Variants in SEC61A2 observed in about 807,000 individuals in gnomAD.
SEC61A2 encodes protein transport protein Sec61 subunit alpha isoform 2.
A neutral mutation model predicts 59.9 loss-of-function variants in SEC61A2; 28 were observed. The ratio of observed to expected loss-of-function variants is 0.47; its 90% CI spans 0.35 to 0.64. The LOEUF (loss-of-function observed/expected upper bound fraction) is 0.64, where lower values mean the gene tolerates loss of function less well. Ranked by LOEUF, SEC61A2 falls within the 30% of genes least tolerant of loss-of-function variation. The pLI, the probability that SEC61A2 is intolerant of heterozygous loss-of-function variation, is 0.01. For missense variants in SEC61A2, 340 were observed against 585.9 expected (o/e 0.58, Z 4.33); for synonymous variants, 202 against 214.4 (o/e 0.94, Z 0.50).
At chr10:12,132,376 G>T (rs1833772527) in intron 1 of SEC61A2, among the ~76,000 whole-genome samples, 1 of 152,094 alleles carries the variant, frequency 6.6e-6, no homozygotes, top group South Asian at 2.1e-4. Context: ...CACTTTGGAA[G>T]GCTGAGATGG....
chr10:12,136,270 G>C (rs1833881493), intron 3 of SEC61A2, 100 bp downstream of exon 3: 2 of 743,322 alleles, frequency 2.7e-6, no homozygotes, highest in Admixed American at 4.3e-5. Context: ...AGAATACATT[G>C]AGCTCAATAT....
chr10:12,164,868 CATTTAT>C lies in SEC61A2; in HGVS notation c.*417_*422del. The stretch of plus-strand genomic sequence containing the variant: ...TGAGCTTATTTAATGAGTTCTGGAA[CATTTAT>C]ATCTAATCTATATTTTAGATAATTA... On this transcript the variant is annotated 3_prime_UTR_variant, in exon 12 of 12. Transcript: ENST00000298428. This position sits in a 1 kb window ranked among gnomAD's most constrained non-coding sequence, Gnocchi z 7.3. 1 of 982,886 alleles carries C rather than the reference CATTTAT, an allele frequency of 1.0e-6. No individual in the cohort carries two copies. The highest frequency in any genetic ancestry group is 1.2e-6 in the Non-Finnish European group (1 of 826,154). 60.9% of individuals were successfully genotyped at this position (982,886 alleles called of 1,614,324 possible).
Position 12,155,551 on chromosome 10 carries a change from A to C in SEC61A2, c.463-227A>C. The C allele has an allele frequency of 1.5e-6, 1 of 685,188 alleles. No individual in the cohort carries two copies. The highest frequency in any genetic ancestry group is 2.0e-5 in the South Asian group (1 of 50,934). The allele number at this position is 685,188 out of a possible 1,614,324, so 42.4% of individuals were successfully genotyped here. A position where few individuals can be genotyped will look rare whatever the true frequency, so the allele number is the denominator to read the frequency against. On this transcript the variant is annotated intron_variant, in intron 6 of 11. Transcript: ENST00000298428. The surrounding 1 kb of genome is among the most constrained non-coding windows in gnomAD (Gnocchi z 4.3). Reference sequence around the variant, plus strand: ...AAGTGTAAATAGACTTTAAAAGTTGAAATGTCTGCTTTATAATACAACAGT... The same window carrying C: ...AAGTGTAAATAGACTTTAAAAGTTGCAATGTCTGCTTTATAATACAACAGT...
Position 12,160,048 on chromosome 10 carries a change from C to G in SEC61A2, c.976-882C>G, listed in dbSNP as rs1834493127. 6.6e-6 allele frequency among the ~76,000 whole-genome samples: 1 copy of G among 152,024 alleles called. No individual in the cohort carries two copies. Among genetic ancestry groups the G allele is most frequent in the African/African-American group, 2.4e-5 (1 of 41,358 alleles). On this transcript the variant is annotated intron_variant, in intron 9 of 11. Coordinates refer to ENST00000298428, the MANE Select transcript of SEC61A2 (RefSeq NM_018144.4). The surrounding 1 kb of genome is among the most constrained non-coding windows in gnomAD (Gnocchi z 4.1). The stretch of plus-strand genomic sequence containing the variant: ...ATTCTGGCTAATATTATATCGAGGA[C>G]AGGAAAGTCAAGAGACAGGAATAAG...
At position 12,155,309 on chromosome 10, in the gene SEC61A2, A is replaced by G; in HGVS notation, c.463-469A>G. ...ATAATATATATAATGCTTTTTTCAA[A>G]GGATCAACACAGCCCTTAGACTTAT... On this transcript the variant is annotated intron_variant, in intron 6 of 11. Transcript: ENST00000298428. This position sits in a 1 kb window ranked among gnomAD's most constrained non-coding sequence, Gnocchi z 4.3. 6.5e-7 allele frequency: 1 copy of G among 1,548,408 alleles called. No individual in the cohort carries two copies. The highest frequency in any genetic ancestry group is 8.7e-7 in the Non-Finnish European group (1 of 1,149,412).
rs539099163 is a variant in SEC61A2 at position 12,136,433 on chromosome 10, AAGTAGCTGGGACTAC to A, written c.141+266_141+280del. 5.3e-5 allele frequency among the ~76,000 whole-genome samples: 8 copies of A among 150,902 alleles called. No individual in the cohort carries two copies. In the South Asian group the frequency reaches 1.7e-3, roughly 32 times the overall value. On this transcript the variant is annotated intron_variant, in intron 3 of 11. Transcript: ENST00000298428. ...AGTGATTCTTCTTCCTTGGCCTCCCAAGTAGCTGGGACTACAGGTTCCTACTACCATGCCCAGCTA... is the reference window on the plus strand; with the variant it reads ...AGTGATTCTTCTTCCTTGGCCTCCCAAGGTTCCTACTACCATGCCCAGCTA...
Position 12,156,973 on chromosome 10 carries a change from G to A in SEC61A2, c.683G>A (p.Arg228Gln). ...TTGGCCACCAGGACGGACAAAGTCC[G>A]AGCTTTACGGGAGGCTTTTTATCGG... ...HLLATRTDKV[R>Q]ALREAFYRQN... The change falls in exon 8 of 12, where the codon CGA becomes CAA. Residue 228 changes from arginine (R) to glutamine (Q), a missense_variant. Arg to Gln is a conservative substitution (Grantham distance 43). Coordinates refer to ENST00000298428, the MANE Select transcript of SEC61A2 (RefSeq NM_018144.4). This position sits in a 1 kb window ranked among gnomAD's most constrained non-coding sequence, Gnocchi z 5.2. The A allele has an allele frequency of 6.2e-7, 1 of 1,614,034 alleles. No individual in the cohort carries two copies. Among genetic ancestry groups the A allele is most frequent in the Non-Finnish European group, 8.5e-7 (1 of 1,179,906 alleles).
rs1395435855 is a variant in SEC61A2 at position 12,155,688 on chromosome 10, G to A, written c.463-90G>A. ...ACGATCAGGCCTTAATATTCAAAAC[G>A]CCCCTAGCTTGGAAATAGCCAATGG... On this transcript the variant is annotated intron_variant, in intron 6 of 11. Transcript: ENST00000298428. The surrounding 1 kb of genome is among the most constrained non-coding windows in gnomAD (Gnocchi z 4.3). 12 of 1,457,172 alleles carry A rather than the reference G, an allele frequency of 8.2e-6. No homozygotes were observed. The highest frequency in any genetic ancestry group is 2.3e-5 in the East Asian group (1 of 44,100). 90.3% of individuals were successfully genotyped at this position (1,457,172 alleles called of 1,614,324 possible).
In SEC61A2 at chr10:12,149,921, C is replaced by T. The variant is rs1204262852; in HGVS notation, c.422C>T (p.Ala141Val). 6.2e-7 allele frequency: 1 copy of T among 1,613,846 alleles called. No homozygotes were observed. The highest frequency in any genetic ancestry group is 2.2e-5 in the East Asian group (1 of 44,884). Residue 141 changes from alanine (A) to valine (V), a missense_variant, in exon 6 of 12, where the codon GCA (alanine) becomes GTA (valine). By Grantham distance (64) the Ala-to-Val change is moderately conservative. Transcript: ENST00000298428. The surrounding 1 kb of genome is among the most constrained non-coding windows in gnomAD (Gnocchi z 5.2). ...YVMTGMYGDPAEMGAGICLLI... is the reference protein window; with the variant it reads ...YVMTGMYGDPVEMGAGICLLI... ...ATGACGGGGATGTATGGGGACCCTGCAGAAATGGGTGCCGGAATCTGTCTC... is the reference window on the plus strand; with the variant it reads ...ATGACGGGGATGTATGGGGACCCTGTAGAAATGGGTGCCGGAATCTGTCTC...
At chr10:12,148,425 A>G (rs1834196389) in intron 4 of SEC61A2, among the ~76,000 whole-genome samples, 1 of 148,356 alleles carries the variant, frequency 6.7e-6, no homozygotes, top group Admixed American at 6.8e-5. Context: ...TTGTATTTTT[A>G]TTAGAAATGG....
intron 3 of SEC61A2, among the ~76,000 whole-genome samples, chr10:12,138,309 C>T (rs1338820574): frequency 6.6e-6 from 1 of 151,944 alleles, no homozygotes; most frequent in Non-Finnish European, 1.5e-5. Flanking sequence ...AAAGAATAGT[C>T]ATCCATATTT....
At chr10:12,129,654 G>T (rs1401696606), upstream of SEC61A2, 3 of 844,952 alleles carry the variant, frequency 3.6e-6, no homozygotes, top group Admixed American at 9.0e-5. This position sits in a 1 kb window ranked among gnomAD's most constrained non-coding sequence, Gnocchi z 5.6. Context: ...GGCGGAGTCT[G>T]CGCGGGGTTG....
chr10:12,136,229 T>C lies in SEC61A2; in HGVS notation c.141+59T>C, dbSNP rs567205660. ...CCATTGTTCTAAGGTTTTGATTGGT[T>C]AGAATTTGAGAATTTTTTTTGTTAA... On this transcript the variant is annotated intron_variant, in intron 3 of 11. Transcript: ENST00000298428. 71 of 1,117,966 alleles carry C rather than the reference T, an allele frequency of 6.4e-5. No individual in the cohort carries two copies. The South Asian group carries it at 9.1e-4, about 14-fold the overall frequency. The allele number at this position is 1,117,966 out of a possible 1,614,324, so 69.3% of individuals were successfully genotyped here. A position where few individuals can be genotyped will look rare whatever the true frequency, so the allele number is the denominator to read the frequency against.
rs1175796422 is a variant in SEC61A2, at chr10:12,143,175, T to G, written c.200T>G (p.Val67Gly). ...DSADPFYWMR[V>G]ILASNRGTLM... ...GCAGATCCTTTCTACTGGATGAGAG[T>G]TATTCTGGCTTCCAATAGAGGTATG... Residue 67 changes from valine (V) to glycine (G), a missense_variant, in exon 4 of 12, where the codon GTT becomes GGT. Val to Gly is a moderately radical substitution (Grantham distance 109). This residue lies in a region of SEC61A2 where 16 missense variants were observed against 55.0 expected (regional missense o/e 0.29). Transcript: ENST00000298428. The surrounding 1 kb of genome is among the most constrained non-coding windows in gnomAD (Gnocchi z 4.8). The G allele has an allele frequency of 6.2e-7, 1 of 1,612,038 alleles. No individual in the cohort carries two copies. The highest frequency in any genetic ancestry group is 8.5e-7 in the Non-Finnish European group (1 of 1,178,120).
Position 12,155,019 on chromosome 10 carries a change from C to T in SEC61A2, c.463-759C>T, listed in dbSNP as rs1834364730. Among the ~76,000 whole-genome samples, 1 of 152,134 alleles carries T rather than the reference C, an allele frequency of 6.6e-6. No individual in the cohort carries two copies. The highest frequency in any genetic ancestry group is 2.1e-4 in the South Asian group (1 of 4,826). ...AGGAGGTCACTTGAAGGGCTAGGGA[C>T]TGTTTTTAATTAATGCATACTTTTA... On this transcript the variant is annotated intron_variant, in intron 6 of 11. Coordinates refer to ENST00000298428, the MANE Select transcript of SEC61A2 (RefSeq NM_018144.4). This position sits in a 1 kb window ranked among gnomAD's most constrained non-coding sequence, Gnocchi z 4.3.
In SEC61A2 at chr10:12,154,397, T is replaced by C. The variant is rs776202579; in HGVS notation, c.463-1381T>C. Among the ~76,000 whole-genome samples the C allele has an allele frequency of 5.3e-5, 8 of 152,152 alleles. No individual in the cohort carries two copies. Among genetic ancestry groups the C allele is most frequent in the Non-Finnish European group, 1.0e-4 (7 of 68,010 alleles). On this transcript the variant is annotated intron_variant, in intron 6 of 11. Coordinates refer to ENST00000298428, the MANE Select transcript of SEC61A2 (RefSeq NM_018144.4). This position sits in a 1 kb window ranked among gnomAD's most constrained non-coding sequence, Gnocchi z 5.2. ...TTGTTTCAGAGCTGCTGTGGGACTC[T>C]GGAGAGGTCATTTCTCAAGGCCCAT...
intron 11 of SEC61A2, among the ~76,000 whole-genome samples, chr10:12,163,415 C>T (rs534654203): frequency 2.1e-4 from 32 of 149,784 alleles, no homozygotes; most frequent in African/African-American, 7.6e-4. Flanking sequence ...ACCTCGACCT[C>T]CTGGGATCAA....
At chr10:12,157,549 C>T (rs1210624070) in intron 8 of SEC61A2, among the ~76,000 whole-genome samples, 3 of 141,788 alleles carry the variant, frequency 2.1e-5, no homozygotes, top group Non-Finnish European at 4.5e-5. Flanking sequence ...TGTCGCCAGG[C>T]TGGAGTGCAA....
At chr10:12,147,912 A>C (rs945777748) in intron 4 of SEC61A2, among the ~76,000 whole-genome samples, 6 of 151,496 alleles carry the variant, frequency 4.0e-5, no homozygotes, top group Admixed American at 3.9e-4. Context: ...AATTTTGGTG[A>C]TCTAACTTAA....
Sources: gnomAD v4.1 joint callset for allele counts (sites outside exome capture counted in the v4.1 genomes callset) on GRCh38, gnomAD v4.1.1 for gene constraint, gnomAD v4.1.1 regional missense constraint, Gnocchi (gnomAD v3.1) non-coding constraint, MANE v1.5 for transcripts, NCBI Gene and HGNC (gene_info 2026-07-23, HGNC 2026-07-21) for gene names.